TNS4: variants seen among roughly 807,000 people sequenced by gnomAD.
The protein encoded by TNS4 is tensin-4.
A neutral mutation model predicts 70.4 loss-of-function variants in TNS4; 46 were observed. That is an observed-to-expected ratio of 0.65 (90% CI 0.52 to 0.84). The LOEUF is 0.84. Ranked by LOEUF, TNS4 falls within the 40% of genes least tolerant of loss-of-function variation. The probability of loss-of-function intolerance (pLI) is 0.00; values close to 1 mark genes in which losing one functional copy is unlikely to be tolerated. For synonymous variants in TNS4, 390 were observed against 366.6 expected (o/e 1.06, Z -0.73); for missense variants, 863 against 907.0 (o/e 0.95, Z 0.62).
In TNS4 at chr17:40,488,910, A is replaced by T. The variant is rs200725648; in HGVS notation, c.499T>A (p.Cys167Ser). 4 of 1,607,302 alleles carry T rather than the reference A, an allele frequency of 2.5e-6. No individual in the cohort carries two copies. Among genetic ancestry groups the T allele is most frequent in the Non-Finnish European group, 3.4e-6 (4 of 1,178,052 alleles). The change falls in exon 3 of 13, where the codon TGC becomes AGC. Residue 167 changes from cysteine to serine, a missense_variant. Transcript: ENST00000254051. Reference sequence around the variant, plus strand: ...GGCGGGGTGACAGAGGGGCTGGAGCAGTGCTGGGGGCCATCGTGGCACCTT... The same window carrying T: ...GGCGGGGTGACAGAGGGGCTGGAGCTGTGCTGGGGGCCATCGTGGCACCTT... ...RSRCHDGPQHCSSPSVTPPFG... is the reference protein window; with the variant it reads ...RSRCHDGPQHSSSPSVTPPFG...
chr17:40,486,932 A>T (rs2035996302), intron 4 of TNS4, 104 bp downstream of exon 4: 4 of 1,434,296 alleles, frequency 2.8e-6, no homozygotes, highest in Non-Finnish European at 3.9e-6. Context: ...CCAGACACAC[A>T]ATAGTTGCTC....
At chr17:40,481,037 A>G (rs1203467169) in intron 8 of TNS4, among the ~76,000 whole-genome samples, 2 of 151,834 alleles carry the variant, frequency 1.3e-5, no homozygotes, top group Non-Finnish European at 2.9e-5. Context: ...TTGTCCTCAC[A>G]GGCCCCTGAC....
chr17:40,480,808 G>T, intron 8 of TNS4, 40 bp from the exon 9 acceptor site: 1 of 1,595,420 alleles, frequency 6.3e-7, no homozygotes, highest in Non-Finnish European at 8.5e-7. Flanking sequence ...AAAGGGGCGG[G>T]GGTGGAGTGA....
chr17:40,501,376 G>A (rs1335164929), intron 1 of TNS4, among the ~76,000 whole-genome samples, 158 bp downstream of exon 1: 5 of 145,030 alleles, frequency 3.4e-5, no homozygotes, highest in African/African-American at 1.3e-4. Flanking sequence ...GAACCCTGGA[G>A]GCAGACGTTG....
chr17:40,494,789 T>C (rs534307750), intron 2 of TNS4, among the ~76,000 whole-genome samples: 26 of 151,382 alleles, frequency 1.7e-4, no homozygotes, highest in African/African-American at 3.9e-4. Flanking sequence ...TTGAAGATTC[T>C]ACATAAAGTG....
chr17:40,484,677 G>T, intron 5 of TNS4, 68 bp from the exon 6 acceptor site: 3 of 1,593,798 alleles, frequency 1.9e-6, no homozygotes, highest in East Asian at 2.2e-5. Context: ...GCCCCGTAGG[G>T]TCTTCACAGA....
In TNS4 at chr17:40,479,673, C is replaced by T; in HGVS notation, c.1910+1G>A. 1.2e-6 allele frequency: 2 copies of T among 1,612,698 alleles called. No individual in the cohort carries two copies. Among genetic ancestry groups the T allele is most frequent in the Non-Finnish European group, 1.7e-6 (2 of 1,179,206 alleles). ...GCCCCAGGGCAAGGGAAGGCCCTTA[C>T]TTCCTCTGGACATCAGTCAGAGTGA... is the stretch of plus-strand genomic sequence containing the variant. On this transcript the variant is annotated splice_donor_variant, in intron 10 of 12. Coordinates refer to ENST00000254051, the MANE Select transcript of TNS4 (RefSeq NM_032865.6). LOFTEE classifies it high-confidence loss of function.
In TNS4 at chr17:40,487,079, GTT is replaced by G. The variant is rs1205520289; in HGVS notation, c.1243_1244del (p.Asn415GlnfsTer32). 6 of 1,614,258 alleles carry G rather than the reference GTT, an allele frequency of 3.7e-6. No homozygotes were observed. Among genetic ancestry groups the G allele is most frequent in the Non-Finnish European group, 5.1e-6 (6 of 1,180,048 alleles). On this transcript the variant is annotated frameshift_variant, in exon 4 of 13. Coordinates refer to ENST00000254051, the MANE Select transcript of TNS4 (RefSeq NM_032865.6). LOFTEE classifies it high-confidence loss of function. ...AGGGGGCATCTGACAGGGTCTGGCT[GTT>G]GCTCCTGGTGGCTGGACAGGGGTTG... The part of the protein sequence containing the change: ...PSNPCPATRS[N>X]SQTLSDAPFT...
chr17:40,493,621 C>T (rs755393239), intron 2 of TNS4, among the ~76,000 whole-genome samples: 1 of 152,284 alleles, frequency 6.6e-6, no homozygotes, highest in African/African-American at 2.4e-5. Context: ...CAGAAGGGGC[C>T]AGGGCACAGA....
Position 40,482,336 on chromosome 17 carries a change from C to G in TNS4, c.1582G>C (p.Glu528Gln). ...TGGGGAGTCTCACCAAAGTAGGGCT[C>G]CTCATCTGCTCCTTTGAGATGCACT... ...KGVHLKGADE[E>Q]PYFGSLSAFV... Residue 528 changes from glutamate (E) to glutamine (Q), a missense_variant, in exon 7 of 13, where the codon GAG (glutamate) becomes CAG (glutamine). Glu to Gln is a conservative substitution (Grantham distance 29). Coordinates refer to ENST00000254051, the MANE Select transcript of TNS4 (RefSeq NM_032865.6). The G allele has an allele frequency of 6.2e-7, 1 of 1,614,188 alleles. No individual in the cohort carries two copies. Among genetic ancestry groups the G allele is most frequent in the South Asian group, 1.1e-5 (1 of 91,086 alleles).
Position 40,488,923 on chromosome 17 carries a change from A to T in TNS4, c.486T>A (p.Asp162Glu). 1.3e-6 allele frequency: 2 copies of T among 1,599,720 alleles called. No homozygotes were observed. Among genetic ancestry groups the T allele is most frequent in the Non-Finnish European group, 1.7e-6 (2 of 1,175,218 alleles). Residue 162 changes from aspartate (D) to glutamate (E), a missense_variant, in exon 3 of 13, where the codon GAT (aspartate) becomes GAA (glutamate). Asp to Glu is a conservative substitution (Grantham distance 45). Transcript: ENST00000254051. ...EVTSARSRCH[D>E]GPQHCSSPSV... The stretch of plus-strand genomic sequence containing the variant: ...AGGGGCTGGAGCAGTGCTGGGGGCC[A>T]TCGTGGCACCTTGATCTGGCGGAGG...
intron 10 of TNS4, 76 bp from the exon 11 acceptor site, chr17:40,478,724 C>A (rs1052941228): frequency 2.0e-6 from 3 of 1,527,268 alleles, no homozygotes; most frequent in South Asian, 1.1e-5. Flanking sequence ...ATCTCTCGTT[C>A]CCCCCAAGCT....
intron 3 of TNS4, among the ~76,000 whole-genome samples, chr17:40,487,786 T>A (rs1431034066): frequency 6.6e-6 from 1 of 152,148 alleles, no homozygotes; most frequent in African/African-American, 2.4e-5. Flanking sequence ...CGGATCAGGA[T>A]CCCTTCAGGC....
chr17:40,479,604 G>C, intron 10 of TNS4, 70 bp downstream of exon 10: 1 of 1,546,000 alleles, frequency 6.5e-7, no homozygotes, highest in Non-Finnish European at 8.7e-7. Context: ...CTGATCTGCA[G>C]CTGTCTCAGC....
intron 8 of TNS4, 66 bp from the exon 9 acceptor site, chr17:40,480,834 AG>A (rs768238052): frequency 6.5e-7 from 1 of 1,547,544 alleles, no homozygotes. Flanking sequence ...CCCCTCTCAC[AG>A]GAACAGGCCT....
chr17:40,486,427 C>T (rs548305292), intron 4 of TNS4, among the ~76,000 whole-genome samples: 83 of 152,194 alleles, frequency 5.5e-4, no homozygotes, highest in African/African-American at 1.1e-3. Flanking sequence ...CCCTGCTATC[C>T]GTTGAGCTGC....
At chr17:40,495,492 C>A (rs999197117) in intron 2 of TNS4, among the ~76,000 whole-genome samples, 13 of 152,124 alleles carry the variant, frequency 8.5e-5, no homozygotes, top group Admixed American at 8.5e-4. Flanking sequence ...TGAACACTAC[C>A]GGGTCCTTAT....
At chr17:40,484,769 T>C in intron 5 of TNS4, 152 bp downstream of exon 5, 1 of 1,359,708 alleles carries the variant, frequency 7.4e-7, no homozygotes, top group Non-Finnish European at 1.0e-6. Context: ...TGGTTCCTAC[T>C]TCCTCGGGAG....
intron 10 of TNS4, 100 bp downstream of exon 10, chr17:40,479,574 C>T (rs2035894136): frequency 2.7e-6 from 4 of 1,467,802 alleles, no homozygotes; most frequent in Middle Eastern, 4.2e-4. Context: ...CATCCAGAAC[C>T]CTGAACTTGA....
Sources: gnomAD v4.1 joint callset for allele counts (sites outside exome capture counted in the v4.1 genomes callset) on GRCh38, gnomAD v4.1.1 for gene constraint, MANE v1.5 for transcripts, NCBI Gene and HGNC (gene_info 2026-07-23, HGNC 2026-07-21) for gene names.